Variants in KMT2A observed in about 807,000 individuals in gnomAD.
KMT2A encodes lysine methyltransferase 2A.
Under a neutral mutation model 345.3 loss-of-function variants are expected in KMT2A, and 16 were observed. That is an observed-to-expected ratio of 0.05 (90% CI 0.03 to 0.07). The LOEUF (loss-of-function observed/expected upper bound fraction) is 0.07. Among genes scored for constraint, KMT2A ranks in the 10% least tolerant of loss-of-function variants. The pLI, the probability that KMT2A is intolerant of heterozygous loss-of-function variation, is 1.00. For missense variants in KMT2A, 3,272 were observed against 4,841.6 expected (o/e 0.68, Z 9.62); for synonymous variants, 1,599 against 1,778.6 (o/e 0.90, Z 2.54).
Position 118,516,226 on chromosome 11 carries a change from TAGAG to T in KMT2A, c.11147-3389_11147-3386del, listed in dbSNP as rs550772319. 7.7e-4 allele frequency among the ~76,000 whole-genome samples: 117 copies of T among 152,244 alleles called. No homozygotes were observed. In the South Asian group the frequency reaches 0.024, roughly 31 times the overall value. The stretch of plus-strand genomic sequence containing the variant: ...AAGAAGATAACATGGGGAAATGAAA[TAGAG>T]AGTGACACAGAGGTGGGTAGTTGGT... On this transcript the variant is annotated intron_variant, in intron 31 of 35. Transcript: ENST00000534358.
chr11:118,440,343 G>A (rs1555139803), intron 1 of KMT2A, among the ~76,000 whole-genome samples: 1 of 152,136 alleles, frequency 6.6e-6, no homozygotes, highest in South Asian at 2.1e-4. Flanking sequence ...GAAATCAGAG[G>A]TCCATTTTTT....
intron 1 of KMT2A, among the ~76,000 whole-genome samples, chr11:118,456,968 C>T (rs1309003152): frequency 6.6e-6 from 1 of 152,162 alleles, no homozygotes; most frequent in Non-Finnish European, 1.5e-5. Flanking sequence ...TTTGCACTCC[C>T]TTAAACCTTT....
At chr11:118,475,772 TA>T (rs529001696) in intron 3 of KMT2A, among the ~76,000 whole-genome samples, 2 of 152,352 alleles carry the variant, frequency 1.3e-5, no homozygotes, top group South Asian at 4.1e-4. Flanking sequence ...GGGCCATAGT[TA>T]CATTTACTAA....
At chr11:118,511,128 A>G (rs1262141309) in intron 30 of KMT2A, among the ~76,000 whole-genome samples, 3 of 152,362 alleles carry the variant, frequency 2.0e-5, no homozygotes, top group Admixed American at 6.5e-5. Flanking sequence ...TTCAGGAAAC[A>G]TAATGTGATA....
Position 118,496,402 on chromosome 11 carries a change from C to T in KMT2A, c.5664+35C>T. ...TTGCAACACAGGGCCCTAGTTAATA[C>T]ATACTCCAAAAGAACTGTTTGTCCT... On this transcript the variant is annotated intron_variant, in intron 20 of 35. Coordinates refer to ENST00000534358, the MANE Select transcript of KMT2A (RefSeq NM_001197104.2). This position sits in a 1 kb window ranked among gnomAD's most constrained non-coding sequence, Gnocchi z 4.7. The T allele has an allele frequency of 7.1e-7, 1 of 1,405,934 alleles. No homozygotes were observed. The highest frequency in any genetic ancestry group is 1.0e-6 in the Non-Finnish European group (1 of 990,852). The allele number at this position is 1,405,934 out of a possible 1,614,324, so 87.1% of individuals were successfully genotyped here.
chr11:118,473,664 C>A lies in KMT2A; in HGVS notation c.2505C>A (p.Leu835=), dbSNP rs782373153. The part of the protein sequence containing the change: ...EPFSSSSPTP[L]FPWFTPGSQT... The stretch of plus-strand genomic sequence containing the variant: ...TTTCATCAAGTAGTCCTACTCCTCT[C>A]TTCCCTTGGTTTACCCCAGGCTCTC... Residue 835 remains leucine (L), a synonymous_variant, in exon 3 of 36, where the codon CTC becomes CTA. Coordinates refer to ENST00000534358, the MANE Select transcript of KMT2A (RefSeq NM_001197104.2). The surrounding 1 kb of genome is among the most constrained non-coding windows in gnomAD (Gnocchi z 5.2). 6.2e-7 allele frequency: 1 copy of A among 1,614,166 alleles called. No individual in the cohort carries two copies. The highest frequency in any genetic ancestry group is 8.5e-7 in the Non-Finnish European group (1 of 1,180,028).
In KMT2A at chr11:118,525,831, C is replaced by G. The variant is rs1555055412; in HGVS notation, c.*3659C>G. 1 of 221,734 alleles carries G rather than the reference C, an allele frequency of 4.5e-6. No homozygotes were observed. The highest frequency in any genetic ancestry group is 9.0e-6 in the Non-Finnish European group (1 of 111,536). The allele number at this position is 221,734 out of a possible 1,614,324, so 13.7% of individuals were successfully genotyped here. On this transcript the variant is annotated 3_prime_UTR_variant, in exon 36 of 36. Coordinates refer to ENST00000534358, the MANE Select transcript of KMT2A (RefSeq NM_001197104.2). ...AGGAAAAGCGGGTCATTGCAAAGGG[C>G]TGGGTGTAATTTTATGTTTCATTTC... is the stretch of plus-strand genomic sequence containing the variant.
In KMT2A at chr11:118,498,346, A is replaced by C; in HGVS notation, c.5803-24A>C. ...TAAAACATATGAAAGTCTGAATAGG[A>C]CTCTGTTCTTTTTGGATTTTTAGAG... On this transcript the variant is annotated intron_variant, in intron 21 of 35. Transcript: ENST00000534358. The surrounding 1 kb of genome is among the most constrained non-coding windows in gnomAD (Gnocchi z 4.4). 6.2e-7 allele frequency: 1 copy of C among 1,601,948 alleles called. No individual in the cohort carries two copies.
intron 2 of KMT2A, among the ~76,000 whole-genome samples, chr11:118,469,616 G>A (rs1334288318): frequency 4.6e-5 from 7 of 152,174 alleles, no homozygotes; most frequent in African/African-American, 1.2e-4. Flanking sequence ...GTTCTGTATA[G>A]GAGAAAGCTA....
intron 5 of KMT2A, among the ~76,000 whole-genome samples, chr11:118,478,404 G>A (rs900271067): frequency 2.6e-5 from 4 of 152,268 alleles, no homozygotes; most frequent in South Asian, 4.1e-4. Flanking sequence ...AGAATGTTCT[G>A]CAACAATGGA....
intron 7 of KMT2A, 135 bp from the exon 8 acceptor site, chr11:118,482,287 T>C: frequency 1.1e-6 from 1 of 930,056 alleles, no homozygotes; most frequent in Non-Finnish European, 1.6e-6. Context: ...GGAGGTATTG[T>C]TTTAATTTCC....
chr11:118,494,521 T>C lies in KMT2A; in HGVS notation c.5289+123T>C. ...TGTGTATAAAACATCTTTGGTTTAA[T>C]TTGATCCCCTGATTCTTTGAGAGGA... On this transcript the variant is annotated intron_variant, in intron 17 of 35. Transcript: ENST00000534358. The surrounding 1 kb of genome is among the most constrained non-coding windows in gnomAD (Gnocchi z 5.8). 7 of 816,738 alleles carry C rather than the reference T, an allele frequency of 8.6e-6. No homozygotes were observed. The South Asian group carries it at 1.2e-4, about 14-fold the overall frequency. The allele number at this position is 816,738 out of a possible 1,614,324, so 50.6% of individuals were successfully genotyped here.
At chr11:118,453,088 C>T (rs1479893635) in intron 1 of KMT2A, among the ~76,000 whole-genome samples, 1 of 152,192 alleles carries the variant, frequency 6.6e-6, no homozygotes, top group African/African-American at 2.4e-5. Context: ...CCATATAAAA[C>T]TATCTGCCTT....
At chr11:118,453,120 G>A (rs1206691519) in intron 1 of KMT2A, among the ~76,000 whole-genome samples, 3 of 151,826 alleles carry the variant, frequency 2.0e-5, no homozygotes, top group Non-Finnish European at 4.4e-5. Flanking sequence ...TTAAAAAAAC[G>A]CTTGACCCCA....
chr11:118,506,329 A>C lies in KMT2A; in HGVS notation c.10437A>C (p.Ser3479=). The C allele has an allele frequency of 6.2e-7, 1 of 1,614,128 alleles. No individual in the cohort carries two copies. The highest frequency in any genetic ancestry group is 1.1e-5 in the South Asian group (1 of 91,084). Residue 3479 remains serine, a synonymous_variant, in exon 27 of 36, where the codon TCA becomes TCC. Transcript: ENST00000534358. ...CCCAGCGTGATCTTGATTCTGCTTC[A>C]GGGCCCCAGGTATCCAACTTTACCC... ...HSSQRDLDSA[S]GPQVSNFTQT...
chr11:118,438,566 C>G (rs185742759), intron 1 of KMT2A, among the ~76,000 whole-genome samples: 2 of 152,196 alleles, frequency 1.3e-5, no homozygotes, highest in African/African-American at 4.8e-5. Context: ...AGATAACAAC[C>G]AGCCGTTTCC....
At chr11:118,469,675 T>A (rs1445319535) in intron 2 of KMT2A, among the ~76,000 whole-genome samples, 1 of 152,222 alleles carries the variant, frequency 6.6e-6, no homozygotes, top group African/African-American at 2.4e-5. Flanking sequence ...CCATTCTGAC[T>A]TCATATATGG....
chr11:118,504,175 T>C lies in KMT2A; in HGVS notation c.8283T>C (p.Pro2761=), dbSNP rs782439948. The C allele has an allele frequency of 6.2e-7, 1 of 1,614,118 alleles. No homozygotes were observed. The highest frequency in any genetic ancestry group is 8.5e-7 in the Non-Finnish European group (1 of 1,180,000). ...NGTENLKIDR[P]EDAGEKEHVT... ...CAGAGAACTTAAAGATTGATAGACC[T>C]GAAGATGCTGGGGAGAAAGAACATG... Residue 2761 remains proline, a synonymous_variant, in exon 27 of 36, where the codon CCT becomes CCC. Coordinates refer to ENST00000534358, the MANE Select transcript of KMT2A (RefSeq NM_001197104.2). The surrounding 1 kb of genome is among the most constrained non-coding windows in gnomAD (Gnocchi z 6.4).
rs143780031 is a variant in KMT2A at position 118,506,189 on chromosome 11, C to A, written c.10297C>A (p.Pro3433Thr). The change falls in exon 27 of 36, where the codon CCC becomes ACC. Residue 3433 changes from proline (P) to threonine (T), a missense_variant. Pro to Thr is a conservative substitution (Grantham distance 38). Transcript: ENST00000534358. ...AGCGGCATCTAGCATCTGTGTGCTC[C>A]CCTCCACTCAGACTACGGGCATAAC... ...ITAASSICVL[P>T]STQTTGITAA... is the part of the protein sequence containing the mutation. The A allele has an allele frequency of 1.4e-5, 22 of 1,613,992 alleles. No individual in the cohort carries two copies. The African/African-American group carries it at 2.5e-4, about 19-fold the overall frequency.
Sources: gnomAD v4.1 joint callset for allele counts (sites outside exome capture counted in the v4.1 genomes callset) on GRCh38, gnomAD v4.1.1 for gene constraint, Gnocchi (gnomAD v3.1) non-coding constraint, MANE v1.5 for transcripts, NCBI Gene and HGNC (gene_info 2026-07-23, HGNC 2026-07-21) for gene names.